The following RNF180 variants were observed in gnomAD, a reference collection of about 807,000 sequenced individuals.
The protein encoded by RNF180 is E3 ubiquitin-protein ligase RNF180.
Under a neutral mutation model 59.2 loss-of-function variants are expected in RNF180, and 38 were observed. The observed-to-expected ratio is 0.64, with a 90% CI of 0.50 to 0.84. The LOEUF (loss-of-function observed/expected upper bound fraction) is 0.84. Among genes scored for constraint, RNF180 ranks in the 40% least tolerant of loss-of-function variants. The pLI is 0.00. For synonymous variants in RNF180, 262 were observed against 240.3 expected, an observed-to-expected ratio of 1.09 and a Z score of -0.84; for missense variants, 705 against 700.9, an observed-to-expected ratio of 1.01 and a Z score of -0.07.
At chr5:64,298,390 C>T (rs1742999027) in intron 5 of RNF180, among the ~76,000 whole-genome samples, 1 of 151,894 alleles carries the variant, frequency 6.6e-6, no homozygotes. Context: ...ATATTTAAGT[C>T]TTCAATCCAT....
intron 5 of RNF180, among the ~76,000 whole-genome samples, chr5:64,293,622 T>C (rs990815925): frequency 8.6e-5 from 13 of 151,908 alleles, no homozygotes; most frequent in African/African-American, 2.9e-4. Flanking sequence ...AACTACTGTA[T>C]AATTACAAAT....
intron 7 of RNF180, among the ~76,000 whole-genome samples, chr5:64,333,880 A>T (rs911222543): frequency 1.3e-5 from 2 of 152,212 alleles, no homozygotes; most frequent in African/African-American, 4.8e-5. Flanking sequence ...TGAGCTGGGA[A>T]AGAGCTGAGT....
At chr5:64,348,614 T>A (rs1037822195) in intron 7 of RNF180, among the ~76,000 whole-genome samples, 2 of 152,086 alleles carry the variant, frequency 1.3e-5, no homozygotes, top group Admixed American at 1.3e-4. Context: ...CGATTTTTTT[T>A]AATCCTCAAG....
intron 5 of RNF180, among the ~76,000 whole-genome samples, chr5:64,226,398 A>C (rs1741760925): frequency 6.6e-6 from 1 of 152,284 alleles, no homozygotes; most frequent in Non-Finnish European, 1.5e-5. Flanking sequence ...GTGCTGTGTC[A>C]ACTCAGGGTT....
intron 7 of RNF180, among the ~76,000 whole-genome samples, chr5:64,353,256 CTTCA>C (rs1290789828): frequency 2.0e-5 from 3 of 151,522 alleles, no homozygotes; most frequent in African/African-American, 4.8e-5. Context: ...CTAAGTTTTG[CTTCA>C]TTCATGTGGA....
intron 5 of RNF180, among the ~76,000 whole-genome samples, chr5:64,296,434 CA>C (rs1742884411): frequency 6.6e-6 from 1 of 152,104 alleles, no homozygotes; most frequent in African/African-American, 2.4e-5. Flanking sequence ...TGACTCAAGA[CA>C]AAAATTCCAT....
chr5:64,368,021 G>A (rs1746517540), intron 7 of RNF180, among the ~76,000 whole-genome samples: 1 of 151,628 alleles, frequency 6.6e-6, no homozygotes, highest in Non-Finnish European at 1.5e-5. Flanking sequence ...GCTCTAATTA[G>A]CATGTAAATA....
intron 1 of RNF180, among the ~76,000 whole-genome samples, chr5:64,175,574 G>C (rs1750189167): frequency 6.6e-6 from 1 of 151,858 alleles, no homozygotes; most frequent in Non-Finnish European, 1.5e-5. Flanking sequence ...TATTCTTTTT[G>C]CTCAAGATTA....
intron 5 of RNF180, among the ~76,000 whole-genome samples, chr5:64,225,798 G>T (rs1197411672): frequency 6.9e-6 from 1 of 144,774 alleles, no homozygotes; most frequent in East Asian, 2.1e-4. Context: ...CCTTTGGCTG[G>T]GAGGTGAGGA....
At chr5:64,250,252 A>G (rs1212192677) in intron 5 of RNF180, among the ~76,000 whole-genome samples, 2 of 152,118 alleles carry the variant, frequency 1.3e-5, no homozygotes, top group Non-Finnish European at 2.9e-5. Context: ...GAAATTTAAA[A>G]AATTGTTGTG....
chr5:64,344,543 A>C (rs991040116), intron 7 of RNF180, among the ~76,000 whole-genome samples: 3 of 152,282 alleles, frequency 2.0e-5, no homozygotes, highest in African/African-American at 7.2e-5. Flanking sequence ...AAACACACAC[A>C]ATGATGGTGT....
chr5:64,250,805 C>G (rs1561217765), intron 5 of RNF180, among the ~76,000 whole-genome samples: 1 of 152,100 alleles, frequency 6.6e-6, no homozygotes. Flanking sequence ...CAAATCTTCT[C>G]AAACTGATTC....
chr5:64,306,994 AAAAAAT>A (rs1295019498), intron 5 of RNF180, among the ~76,000 whole-genome samples: 3 of 149,078 alleles, frequency 2.0e-5, no homozygotes, highest in African/African-American at 4.9e-5. Flanking sequence ...ATAAAAAATA[AAAAAAT>A]AAAAATAAAA....
intron 1 of RNF180, among the ~76,000 whole-genome samples, chr5:64,167,046 G>T (rs1320988151): frequency 7.2e-5 from 11 of 152,210 alleles, no homozygotes; most frequent in Non-Finnish European, 2.9e-5. Context: ...GGTATCATTT[G>T]AGTCGTAGAA....
At chr5:64,206,261 T>G (rs1051858171) in intron 2 of RNF180, among the ~76,000 whole-genome samples, 3 of 152,190 alleles carry the variant, frequency 2.0e-5, no homozygotes, top group African/African-American at 7.2e-5. Flanking sequence ...GTTCAGATAA[T>G]TGGGAGCTGA....
At chr5:64,257,428 G>C (rs557945573) in intron 5 of RNF180, among the ~76,000 whole-genome samples, 1 of 152,212 alleles carries the variant, frequency 6.6e-6, no homozygotes, top group African/African-American at 2.4e-5. Context: ...GTTGAATTTT[G>C]TCAAAGGCAT....
At chr5:64,298,457 T>C (rs1743004571) in intron 5 of RNF180, among the ~76,000 whole-genome samples, 1 of 152,036 alleles carries the variant, frequency 6.6e-6, no homozygotes, top group Non-Finnish European at 1.5e-5. Context: ...TGCATATGGC[T>C]AGCCATAAAA....
intron 1 of RNF180, among the ~76,000 whole-genome samples, chr5:64,185,811 A>G (rs957589205): frequency 1.3e-5 from 2 of 152,220 alleles, no homozygotes; most frequent in Non-Finnish European, 2.9e-5. Context: ...TGTACTCATT[A>G]GTGTGTTATC....
At chr5:64,242,666 A>G (rs1284396910) in intron 5 of RNF180, among the ~76,000 whole-genome samples, 1 of 152,218 alleles carries the variant, frequency 6.6e-6, no homozygotes, top group African/African-American at 2.4e-5. Flanking sequence ...AAGCTTATCT[A>G]AAGAAACCTT....
Sources: allele counts gnomAD v4.1 joint callset (sites outside exome capture counted in the v4.1 genomes callset), GRCh38; gene constraint gnomAD v4.1.1; transcripts MANE v1.5; gene names NCBI Gene and HGNC (gene_info 2026-07-23, HGNC 2026-07-21).